CHCHD6: variants seen among roughly 807,000 people sequenced by gnomAD.
CHCHD6 encodes coiled-coil-helix-coiled-coil-helix domain containing 6.
In CHCHD6, 28 loss-of-function variants were observed where a neutral mutation model predicts 32.3. The ratio of observed to expected loss-of-function variants is 0.87; its 90% confidence interval spans 0.64 to 1.19. The LOEUF (loss-of-function observed/expected upper bound fraction) is 1.19. CHCHD6 is among the 50% of genes most tolerant of loss of function. The probability of loss-of-function intolerance (pLI) is 0.00; values close to 1 mark genes in which losing one functional copy is unlikely to be tolerated. For synonymous variants in CHCHD6, 122 were observed against 117.5 expected (o/e 1.04, Z -0.25); for missense variants, 333 against 307.0 (o/e 1.08, Z -0.63).
At chr3:126,867,596 A>AG (rs2107565328) in intron 5 of CHCHD6, among the ~76,000 whole-genome samples, 1 of 152,300 alleles carries the variant, frequency 6.6e-6, no homozygotes, top group South Asian at 2.1e-4. Context: ...AGCCTTGATC[A>AG]GCTCGTTTGA....
intron 5 of CHCHD6, among the ~76,000 whole-genome samples, chr3:126,897,863 A>G (rs1056220058): frequency 6.6e-6 from 1 of 152,124 alleles, no homozygotes; most frequent in African/African-American, 2.4e-5. Context: ...ACACCCCAGC[A>G]TAGGAGCCCT....
chr3:126,761,223 C>G (rs1180891566), intron 4 of CHCHD6, among the ~76,000 whole-genome samples: 2 of 152,174 alleles, frequency 1.3e-5, no homozygotes, highest in African/African-American at 2.4e-5. Context: ...TTACTGTTTT[C>G]TATAGCAGCT....
In CHCHD6 at chr3:126,850,013, T is replaced by C. The variant is rs558285052; in HGVS notation, c.412-2634T>C. Among the ~76,000 whole-genome samples, 385 of 152,148 alleles carry C rather than the reference T, an allele frequency of 2.5e-3. 1 individual carries two copies. The highest frequency in any genetic ancestry group is 8.8e-3 in the African/African-American group (366 of 41,530). ...TGCTCTTCCATACTTCACAGCCAGA[T>C]CAGTGAGTGTCTGCTCTGGGCCAGG... On this transcript the variant is annotated intron_variant, in intron 4 of 7. Transcript: ENST00000290913.
intron 6 of CHCHD6, among the ~76,000 whole-genome samples, chr3:126,918,275 T>G (rs868400550): frequency 6.6e-6 from 1 of 152,240 alleles, no homozygotes. Flanking sequence ...AGTTTTCTTC[T>G]AAGACCATGG....
At chr3:126,816,425 A>G (rs1165988608) in intron 4 of CHCHD6, among the ~76,000 whole-genome samples, 1 of 152,220 alleles carries the variant, frequency 6.6e-6, no homozygotes, top group Non-Finnish European at 1.5e-5. Context: ...CTCACAACCC[A>G]CATTTTGCTA....
At chr3:126,789,770 CTT>C (rs1486118380) in intron 4 of CHCHD6, among the ~76,000 whole-genome samples, 2 of 152,264 alleles carry the variant, frequency 1.3e-5, no homozygotes, top group East Asian at 1.9e-4. Flanking sequence ...GGTCTTGACT[CTT>C]TATCCAATTT....
At chr3:126,719,861 G>T (rs1226977534) in intron 1 of CHCHD6, among the ~76,000 whole-genome samples, 2 of 151,982 alleles carry the variant, frequency 1.3e-5, no homozygotes, top group Non-Finnish European at 2.9e-5. Flanking sequence ...TCCTTGCCTG[G>T]GCTGCACTAT....
chr3:126,909,961 C>T (rs1256813259), intron 5 of CHCHD6, among the ~76,000 whole-genome samples: 1 of 152,172 alleles, frequency 6.6e-6, no homozygotes, highest in Non-Finnish European at 1.5e-5. Flanking sequence ...ATCATCCACA[C>T]AGCTGCCAGA....
intron 4 of CHCHD6, among the ~76,000 whole-genome samples, chr3:126,740,876 A>G (rs138891023): frequency 5.3e-4 from 80 of 152,366 alleles, no homozygotes; most frequent in South Asian, 5.0e-3. Flanking sequence ...TCACACACCA[A>G]AAATGAACTT....
chr3:126,760,117 G>A (rs373144149), intron 4 of CHCHD6, among the ~76,000 whole-genome samples: 7 of 152,144 alleles, frequency 4.6e-5, no homozygotes, highest in South Asian at 2.1e-4. Flanking sequence ...CTCCCATCAG[G>A]CCCCACCTCC....
chr3:126,707,151 C>G (rs1934526345), intron 1 of CHCHD6, among the ~76,000 whole-genome samples: 1 of 151,882 alleles, frequency 6.6e-6, no homozygotes, highest in Non-Finnish European at 1.5e-5. Flanking sequence ...CCTGTACACC[C>G]AGCTACTTGG....
chr3:126,897,471 C>G (rs2077857720), intron 5 of CHCHD6, among the ~76,000 whole-genome samples: 1 of 152,184 alleles, frequency 6.6e-6, no homozygotes, highest in Non-Finnish European at 1.5e-5. Flanking sequence ...TATCCTGTGC[C>G]TGTTCCTTAC....
Position 126,737,571 on chromosome 3 carries a change from G to A in CHCHD6, c.411+4349G>A, listed in dbSNP as rs114939973. 3.4e-4 allele frequency among the ~76,000 whole-genome samples: 52 copies of A among 152,118 alleles called. 1 individual carries two copies. Among genetic ancestry groups the A allele is most frequent in the Middle Eastern group, 3.4e-3 (1 of 294 alleles). On this transcript the variant is annotated intron_variant, in intron 4 of 7. Coordinates refer to ENST00000290913, the MANE Select transcript of CHCHD6 (RefSeq NM_032343.3). ...ACATTCTCAGAAGTGACCACATAGC[G>A]TTGCAAGGGTCATCCCAGAGGGACA...
chr3:126,856,097 C>G (rs1190401161), intron 5 of CHCHD6, among the ~76,000 whole-genome samples: 2 of 152,176 alleles, frequency 1.3e-5, no homozygotes, highest in Admixed American at 1.3e-4. Flanking sequence ...ACAAAATACA[C>G]TAACACTAAT....
At chr3:126,820,238 A>G (rs1940091065) in intron 4 of CHCHD6, among the ~76,000 whole-genome samples, 1 of 152,246 alleles carries the variant, frequency 6.6e-6, no homozygotes, top group African/African-American at 2.4e-5. Context: ...GAGGTATAAC[A>G]GTAAACATGT....
intron 3 of CHCHD6, among the ~76,000 whole-genome samples, chr3:126,732,573 A>G (rs1256428739): frequency 6.6e-6 from 1 of 152,178 alleles, no homozygotes; most frequent in Non-Finnish European, 1.5e-5. Context: ...TTTTTTCACT[A>G]CAATAAATAA....
chr3:126,715,140 T>C (rs1934949951), intron 1 of CHCHD6, among the ~76,000 whole-genome samples: 1 of 152,168 alleles, frequency 6.6e-6, no homozygotes, highest in Non-Finnish European at 1.5e-5. Context: ...CTGCAAATCA[T>C]TCTATTGTTT....
intron 4 of CHCHD6, among the ~76,000 whole-genome samples, chr3:126,812,203 A>C (rs1559859076): frequency 6.6e-6 from 1 of 151,552 alleles, no homozygotes; most frequent in Non-Finnish European, 1.5e-5. Context: ...TTATCCTGGA[A>C]TGTATTTGGC....
rs565428702 is a variant in CHCHD6 at position 126,852,532 on chromosome 3, T to G, written c.412-115T>G. 7.3e-5 allele frequency: 52 copies of G among 709,738 alleles called. No individual in the cohort carries two copies. In the African/African-American group the frequency reaches 8.8e-4, roughly 12 times the overall value. 44.0% of individuals were successfully genotyped at this position (709,738 alleles called of 1,614,324 possible). A position where few individuals can be genotyped will look rare whatever the true frequency, so the allele number is the denominator to read the frequency against. ...GCATATCATAAGGTTTTCAACTCATTATTGCTACTGTTCTCATTGTGAATG... is the reference window on the plus strand; with the variant it reads ...GCATATCATAAGGTTTTCAACTCATGATTGCTACTGTTCTCATTGTGAATG... On this transcript the variant is annotated intron_variant, in intron 4 of 7. Coordinates refer to ENST00000290913, the MANE Select transcript of CHCHD6 (RefSeq NM_032343.3).
Sources: gnomAD v4.1 joint callset for allele counts (sites outside exome capture counted in the v4.1 genomes callset) on GRCh38, gnomAD v4.1.1 for gene constraint, MANE v1.5 for transcripts, NCBI Gene and HGNC (gene_info 2026-07-23, HGNC 2026-07-21) for gene names.